TACC2: variants seen among roughly 807,000 people sequenced by gnomAD.
The protein encoded by TACC2 is transforming acidic coiled-coil-containing protein 2.
A neutral mutation model predicts 227.3 loss-of-function variants in TACC2; 137 were observed. That is an observed-to-expected ratio of 0.60 (90% CI 0.52 to 0.69). The LOEUF is 0.69. Among genes scored for constraint, TACC2 ranks in the 30% least tolerant of loss-of-function variants. The probability of loss-of-function intolerance (pLI) is 0.00; values close to 1 mark genes in which losing one functional copy is unlikely to be tolerated. For missense variants in TACC2, 3,470 were observed against 3,694.4 expected (o/e 0.94, Z 1.57); for synonymous variants, 1,523 against 1,487.5 (o/e 1.02, Z -0.55).
chr10:122,146,451 C>G (rs1039248092), intron 7 of TACC2, among the ~76,000 whole-genome samples: 3 of 152,048 alleles, frequency 2.0e-5, no homozygotes, highest in African/African-American at 7.3e-5. Context: ...GGTTATGTGG[C>G]TCTGCACTCA....
In TACC2 at chr10:122,083,819, C is replaced by T; in HGVS notation, c.1319C>T (p.Ser440Leu). Reference protein sequence around the residue: ...IPIAVEEPGSSSRESVSKAGM... With the variant: ...IPIAVEEPGSLSRESVSKAGM... ...ATTGCTGTAGAAGAACCTGGATCAT[C>T]ATCCAGGGAATCAGTTTCCAAGGCT... is the stretch of plus-strand genomic sequence containing the variant. Residue 440 changes from serine (S) to leucine (L), a missense_variant, in exon 4 of 23, where the codon TCA becomes TTA. By Grantham distance (145) the Ser-to-Leu change is moderately radical. Around this residue, in one of 10 missense-constraint regions of TACC2, gnomAD observed 1,924 missense variants for 1,978.3 expected, o/e 0.97. Coordinates refer to ENST00000369005, the MANE Select transcript of TACC2 (RefSeq NM_206862.4). 2 of 1,614,186 alleles carry T rather than the reference C, an allele frequency of 1.2e-6. No individual in the cohort carries two copies. The highest frequency in any genetic ancestry group is 1.7e-6 in the Non-Finnish European group (2 of 1,180,036).
At chr10:122,148,534 A>T (rs1191903401) in intron 7 of TACC2, among the ~76,000 whole-genome samples, 1 of 152,244 alleles carries the variant, frequency 6.6e-6, no homozygotes, top group Admixed American at 6.5e-5. Flanking sequence ...AGGCAGCTGC[A>T]GTGCCCGCCA....
rs190885720 is a variant in TACC2, at chr10:122,087,983, C to T, written c.5459+24C>T. On this transcript the variant is annotated intron_variant, in intron 4 of 22. Transcript: ENST00000369005. Reference sequence around the variant, plus strand: ...AGGTACTTAAATGAAAAAATTCCCACGGGAATGTGTGGTCAGTTTCAAAGG... The same window carrying T: ...AGGTACTTAAATGAAAAAATTCCCATGGGAATGTGTGGTCAGTTTCAAAGG... 60 of 1,491,876 alleles carry T rather than the reference C, an allele frequency of 4.0e-5. 2 individuals are homozygous for T. Among genetic ancestry groups the T allele is most frequent in the South Asian group, 3.8e-4 (26 of 69,100 alleles). The allele number at this position is 1,491,876 out of a possible 1,614,324, so 92.4% of individuals were successfully genotyped here.
chr10:122,012,144 G>A (rs760097209), intron 1 of TACC2, among the ~76,000 whole-genome samples: 16 of 151,926 alleles, frequency 1.1e-4, no homozygotes, highest in Non-Finnish European at 1.6e-4. Context: ...CACCCTGGCC[G>A]GACACGGTAG....
chr10:122,121,479 G>GCCTCCTATCACCTGC (rs920637001), intron 5 of TACC2, among the ~76,000 whole-genome samples: 5 of 152,142 alleles, frequency 3.3e-5, no homozygotes, highest in African/African-American at 1.2e-4. Flanking sequence ...CCGGGCTCTG[G>GCCTCCTATCACCTGC]CCTCCTATCA....
Position 122,211,179 on chromosome 10 carries a change from G to C in TACC2, c.6754G>C (p.Gly2252Arg). The change falls in exon 9 of 23, where the codon GGG (glycine) becomes CGG (arginine). Residue 2252 changes from glycine to arginine, a missense_variant. This residue lies in a region of TACC2 where 593 missense variants were observed against 636.6 expected (regional missense o/e 0.93). Coordinates refer to ENST00000369005, the MANE Select transcript of TACC2 (RefSeq NM_206862.4). ...AGEVTPSDSG[G>R]QEDSPAKGLS... is the part of the protein sequence containing the mutation. Reference sequence around the variant, plus strand: ...GGAGGTAACCCCATCGGATAGCGGGGGGCAAGAGGACTCTCCAGCCAAAGG... The same window carrying C: ...GGAGGTAACCCCATCGGATAGCGGGCGGCAAGAGGACTCTCCAGCCAAAGG... 1 of 1,612,792 alleles carries C rather than the reference G, an allele frequency of 6.2e-7. No individual in the cohort carries two copies. The highest frequency in any genetic ancestry group is 8.5e-7 in the Non-Finnish European group (1 of 1,179,408).
At chr10:122,103,654 C>A (rs575949537) in intron 5 of TACC2, among the ~76,000 whole-genome samples, 13 of 152,128 alleles carry the variant, frequency 8.5e-5, no homozygotes, top group South Asian at 8.3e-4. Flanking sequence ...CCCCACATAC[C>A]CTTTCAGTTT....
At chr10:122,108,695 G>A (rs1233761213) in intron 5 of TACC2, among the ~76,000 whole-genome samples, 3 of 150,816 alleles carry the variant, frequency 2.0e-5, no homozygotes, top group Admixed American at 1.3e-4. Context: ...CACCTGCTTC[G>A]GCCTCCCAAA....
chr10:122,189,460 A>T (rs1593117065), intron 7 of TACC2, among the ~76,000 whole-genome samples: 1 of 152,090 alleles, frequency 6.6e-6, no homozygotes, highest in Non-Finnish European at 1.5e-5. Context: ...TTTTGTCCAG[A>T]GCTGTTGCTT....
chr10:122,203,807 T>A (rs971084772), intron 8 of TACC2, among the ~76,000 whole-genome samples: 1 of 151,920 alleles, frequency 6.6e-6, no homozygotes, highest in Non-Finnish European at 1.5e-5. Flanking sequence ...CAAGGCAGGC[T>A]GCTGGGAGGT....
chr10:122,204,564 G>A (rs908767268), intron 8 of TACC2, among the ~76,000 whole-genome samples: 3 of 152,210 alleles, frequency 2.0e-5, no homozygotes, highest in Admixed American at 6.5e-5. Context: ...GGCCGGGTAC[G>A]GTGGCCCATG....
intron 12 of TACC2, among the ~76,000 whole-genome samples, chr10:122,225,413 G>T (rs975585110): frequency 3.3e-5 from 5 of 152,226 alleles, no homozygotes; most frequent in African/African-American, 1.2e-4. Flanking sequence ...ACTGCAGGTT[G>T]CTGTAAGTTA....
At chr10:122,181,558 C>T (rs1009081732) in intron 7 of TACC2, among the ~76,000 whole-genome samples, 10 of 152,120 alleles carry the variant, frequency 6.6e-5, no homozygotes, top group Non-Finnish European at 2.9e-5. Context: ...AAACTGAGGT[C>T]CAGGGATGTT....
chr10:122,249,747 C>T, intron 22 of TACC2, 83 bp downstream of exon 22: 1 of 1,472,680 alleles, frequency 6.8e-7, no homozygotes, highest in South Asian at 1.4e-5. Context: ...ACAGGCTGGG[C>T]TTCCCTGGCC....
chr10:122,042,560 G>A (rs1023914810), intron 2 of TACC2, among the ~76,000 whole-genome samples: 1 of 152,158 alleles, frequency 6.6e-6, no homozygotes, highest in Non-Finnish European at 1.5e-5. Flanking sequence ...CTGATTAACT[G>A]CTTTTGCTCT....
At chr10:122,081,234 C>T (rs190535684) in intron 3 of TACC2, among the ~76,000 whole-genome samples, 4 of 151,974 alleles carry the variant, frequency 2.6e-5, no homozygotes, top group African/African-American at 9.6e-5. Flanking sequence ...AATTGCACAG[C>T]ATTGACTAGG....
At chr10:122,159,564 G>A (rs535447786) in intron 7 of TACC2, among the ~76,000 whole-genome samples, 23 of 152,300 alleles carry the variant, frequency 1.5e-4, no homozygotes, top group African/African-American at 5.1e-4. Flanking sequence ...ACACGGGGCT[G>A]GATGCCTGGG....
chr10:122,083,336 A>C lies in TACC2; in HGVS notation c.836A>C (p.Gln279Pro), dbSNP rs2079753513. ...CTAAAACCCATGGCCCCGATCCCAC[A>C]AGATCCAGCCCCAAGAGCCTCAGAC... ...SPLKPMAPIP[Q>P]DPAPRASDRE... Residue 279 changes from glutamine to proline, a missense_variant, in exon 4 of 23, where the codon CAA becomes CCA. Gln to Pro is a moderately conservative substitution (Grantham distance 76). Transcript: ENST00000369005. The C allele has an allele frequency of 1.2e-6, 2 of 1,614,056 alleles. No individual in the cohort carries two copies. Among genetic ancestry groups the C allele is most frequent in the Middle Eastern group, 1.6e-4 (1 of 6,062 alleles).
intron 8 of TACC2, among the ~76,000 whole-genome samples, chr10:122,199,292 A>G (rs575607275): frequency 3.9e-5 from 6 of 152,364 alleles, no homozygotes; most frequent in African/African-American, 1.4e-4. Flanking sequence ...TTGTGCTCTA[A>G]GTGGCTGTTT....
Sources: gnomAD v4.1 joint callset for allele counts (sites outside exome capture counted in the v4.1 genomes callset) on GRCh38, gnomAD v4.1.1 for gene constraint, gnomAD v4.1.1 regional missense constraint, MANE v1.5 for transcripts, NCBI Gene and HGNC (gene_info 2026-07-23, HGNC 2026-07-21) for gene names.